The following NFIB variants were observed in gnomAD, a reference collection of about 807,000 sequenced individuals.
NFIB encodes the protein nuclear factor 1 B-type.
NFIB carries 11 observed loss-of-function variants against 61.5 expected under a neutral mutation model. The ratio of observed to expected loss-of-function variants is 0.18; its 90% confidence interval spans 0.11 to 0.30. The LOEUF is 0.30. Among genes scored for constraint, NFIB ranks in the 10% least tolerant of loss-of-function variants. The pLI, the probability that NFIB is intolerant of heterozygous loss-of-function variation, is 1.00. For missense variants in NFIB, 471 were observed against 608.9 expected (o/e 0.77, Z 2.38); for synonymous variants, 260 against 216.5 (o/e 1.20, Z -1.76).
chr9:14,237,230 G>A (rs2053829784), intron 2 of NFIB, among the ~76,000 whole-genome samples: 1 of 152,208 alleles, frequency 6.6e-6, no homozygotes, highest in Non-Finnish European at 1.5e-5. Context: ...GAGAACTGAA[G>A]GTGGTAAATA....
chr9:14,504,250 T>C, the NFIB span, among the ~76,000 whole-genome samples: 1 of 152,224 alleles, frequency 6.6e-6, no homozygotes, highest in Non-Finnish European at 1.5e-5. Flanking sequence ...TAGTTTGAAG[T>C]CAGGTAATGT....
chr9:14,116,469 C>CCT, intron 8 of NFIB, 123 bp from the exon 9 acceptor site: 4 of 1,017,738 alleles, frequency 3.9e-6, no homozygotes, highest in Non-Finnish European at 5.2e-6. Context: ...CCACACAGGC[C>CCT]CTCTCGAGTC....
intron 2 of NFIB, among the ~76,000 whole-genome samples, chr9:14,226,091 ATT>A (rs61207268): frequency 7.4e-5 from 11 of 147,752 alleles, no homozygotes; most frequent in African/African-American, 2.2e-4. Context: ...TTTAAAGAGC[ATT>A]TTTTTTTTTC....
upstream of NFIB, chr9:14,314,285 C>A (rs535941105): frequency 1.9e-4 from 79 of 422,604 alleles, 1 homozygote; most frequent in African/African-American, 1.7e-3. Flanking sequence ...TCCCCGGCAG[C>A]AGCAGCCGCC....
intron 10 of NFIB, among the ~76,000 whole-genome samples, chr9:14,094,954 T>C (rs2034549467): frequency 6.6e-6 from 1 of 152,076 alleles, no homozygotes; most frequent in Admixed American, 6.6e-5. Flanking sequence ...TGCTAGCACT[T>C]TCTAAGTAAA....
chr9:14,469,965 T>TTG, the NFIB span, among the ~76,000 whole-genome samples: 4 of 152,120 alleles, frequency 2.6e-5, no homozygotes, highest in Non-Finnish European at 4.4e-5. Context: ...ACATTTTCCA[T>TTG]TGTGTGTGTG....
chr9:14,192,945 G>A (rs952565613), intron 2 of NFIB, among the ~76,000 whole-genome samples: 1 of 151,828 alleles, frequency 6.6e-6, no homozygotes, highest in South Asian at 2.1e-4. Flanking sequence ...TCAGGTAATA[G>A]AATTAAGCAG....
At chr9:14,275,524 A>G (rs1450306256) in intron 2 of NFIB, among the ~76,000 whole-genome samples, 1 of 152,114 alleles carries the variant, frequency 6.6e-6, no homozygotes, top group Non-Finnish European at 1.5e-5. Flanking sequence ...ACATCTCCTG[A>G]GTCATCCCAT....
the NFIB span, among the ~76,000 whole-genome samples, chr9:14,408,259 G>T: frequency 6.6e-6 from 1 of 152,130 alleles, no homozygotes; most frequent in Non-Finnish European, 1.5e-5. Context: ...TAGCTCTCAA[G>T]CCTCTTTTTA....
intron 2 of NFIB, among the ~76,000 whole-genome samples, chr9:14,299,064 T>C (rs2059609431): frequency 6.6e-6 from 1 of 152,210 alleles, no homozygotes; most frequent in Admixed American, 6.5e-5. Context: ...CACTTCAGAA[T>C]TCACTAATAG....
At chr9:14,237,675 A>C (rs370902255) in intron 2 of NFIB, among the ~76,000 whole-genome samples, 1 of 152,172 alleles carries the variant, frequency 6.6e-6, no homozygotes, top group African/African-American at 2.4e-5. Flanking sequence ...ATAAGAGGTC[A>C]GCAACATCTC....
intron 5 of NFIB, among the ~76,000 whole-genome samples, chr9:14,148,717 T>A (rs2042553756): frequency 6.6e-6 from 1 of 152,160 alleles, no homozygotes; most frequent in Non-Finnish European, 1.5e-5. Context: ...TTCCAAGCCC[T>A]TGAATCATGT....
chr9:14,210,947 G>C (rs1317399052), intron 2 of NFIB, among the ~76,000 whole-genome samples: 1 of 152,132 alleles, frequency 6.6e-6, no homozygotes, highest in Non-Finnish European at 1.5e-5. Context: ...GAAAGTAAAG[G>C]AAAGTCTAAT....
intron 2 of NFIB, among the ~76,000 whole-genome samples, chr9:14,186,880 A>C (rs1298376895): frequency 6.6e-6 from 1 of 152,016 alleles, no homozygotes; most frequent in African/African-American, 2.4e-5. Context: ...TCTCTCTATT[A>C]GATGTGTATT....
At chr9:14,449,496 A>G in the NFIB span, among the ~76,000 whole-genome samples, 1 of 152,224 alleles carries the variant, frequency 6.6e-6, no homozygotes, top group Non-Finnish European at 1.5e-5. Context: ...GAAATATTCA[A>G]ATGAGATGGT....
the NFIB span, among the ~76,000 whole-genome samples, chr9:14,431,633 G>GTTT: frequency 2.3e-5 from 3 of 127,908 alleles, no homozygotes; most frequent in Non-Finnish European, 5.3e-5. Context: ...TTTTTGTTTT[G>GTTT]TTTTTTTTTT....
At chr9:14,518,913 C>T in the NFIB span, among the ~76,000 whole-genome samples, 1 of 152,102 alleles carries the variant, frequency 6.6e-6, no homozygotes, top group African/African-American at 2.4e-5. Context: ...GATTCCCACT[C>T]ATCTGCTAAG....
At chr9:14,329,820 T>C (rs1411324362) in intron 1 of NFIB, among the ~76,000 whole-genome samples, 1 of 151,164 alleles carries the variant, frequency 6.6e-6, no homozygotes, top group African/African-American at 2.4e-5. Context: ...GCCATCTTTC[T>C]CTTATTAAAA....
intron 2 of NFIB, among the ~76,000 whole-genome samples, chr9:14,227,457 T>C (rs966183047): frequency 6.6e-6 from 1 of 152,206 alleles, no homozygotes; most frequent in African/African-American, 2.4e-5. Flanking sequence ...GAAAACATTG[T>C]TCTTGAATAT....
Sources: gnomAD v4.1 joint callset for allele counts (sites outside exome capture counted in the v4.1 genomes callset) on GRCh38, gnomAD v4.1.1 for gene constraint, MANE v1.5 for transcripts, NCBI Gene and HGNC (gene_info 2026-07-23, HGNC 2026-07-21) for gene names.